SPAM1: variants seen among roughly 807,000 people sequenced by gnomAD.
SPAM1 encodes the protein sperm adhesion molecule 1, also known as hyaluronidase PH-20.
A neutral mutation model predicts 29.6 loss-of-function variants in SPAM1; 22 were observed. The ratio of observed to expected loss-of-function variants is 0.74; its 90% CI spans 0.53 to 1.06. SPAM1 has a LOEUF of 1.06. SPAM1 is among the 50% of genes least tolerant of loss of function. SPAM1 has a pLI of 0.00. For synonymous variants in SPAM1, 194 were observed against 204.6 expected (o/e 0.95, Z 0.44); for missense variants, 534 against 604.0 (o/e 0.88, Z 1.21).
intron 1 of SPAM1, among the ~76,000 whole-genome samples, chr7:123,934,208 G>A (rs546382427): frequency 1.3e-5 from 2 of 152,158 alleles, no homozygotes; most frequent in South Asian, 4.1e-4. Flanking sequence ...ACATATCCTT[G>A]TTATTAAGGG....
rs984286192 is a variant in SPAM1 at position 123,954,340 on chromosome 7, C to G, written c.770C>G (p.Thr257Ser). 2.5e-6 allele frequency: 4 copies of G among 1,613,248 alleles called. No individual in the cohort carries two copies. The highest frequency in any genetic ancestry group is 3.4e-6 in the Non-Finnish European group (4 of 1,179,520). Residue 257 changes from threonine (T) to serine (S), a missense_variant, in exon 3 of 5, where the codon ACT (threonine) becomes AGT (serine). Coordinates refer to ENST00000682466, the MANE Select transcript of SPAM1 (RefSeq NM_153189.3). ...DDLSWLWNESTALYPSIYLNT... is the reference protein window; with the variant it reads ...DDLSWLWNESSALYPSIYLNT... ...CTCAGCTGGTTGTGGAATGAAAGCA[C>G]TGCTCTTTACCCATCCATTTATTTG...
intron 1 of SPAM1, among the ~76,000 whole-genome samples, chr7:123,937,119 C>A (rs892158679): frequency 6.6e-6 from 1 of 152,106 alleles, no homozygotes; most frequent in African/African-American, 2.4e-5. Flanking sequence ...TATAGAGATA[C>A]CCCTAATCTA....
intron 1 of SPAM1, among the ~76,000 whole-genome samples, chr7:123,936,560 G>C (rs1808249619): frequency 6.6e-6 from 1 of 152,186 alleles, no homozygotes; most frequent in Non-Finnish European, 1.5e-5. Context: ...TGATTCTGCA[G>C]CAACAGGGAA....
intron 1 of SPAM1, among the ~76,000 whole-genome samples, chr7:123,931,778 T>C (rs1469866574): frequency 3.3e-5 from 5 of 152,168 alleles, no homozygotes; most frequent in African/African-American, 1.2e-4. Flanking sequence ...CCTGACAACC[T>C]GTACCCCTCA....
At chr7:123,950,377 T>G (rs1449112662) in intron 2 of SPAM1, among the ~76,000 whole-genome samples, 4 of 152,054 alleles carry the variant, frequency 2.6e-5, no homozygotes, top group Non-Finnish European at 1.5e-5. Context: ...TTGTGACCAA[T>G]GTACCCAATA....
intron 1 of SPAM1, among the ~76,000 whole-genome samples, chr7:123,933,688 A>G (rs1808160274): frequency 1.3e-5 from 2 of 152,218 alleles, no homozygotes; most frequent in Admixed American, 1.3e-4. Context: ...ACAAGGGATT[A>G]ACATCTGGAA....
At chr7:123,963,278 A>T (rs1792383875), downstream of SPAM1, among the ~76,000 whole-genome samples, 1 of 151,862 alleles carries the variant, frequency 6.6e-6, no homozygotes, top group South Asian at 2.1e-4. Flanking sequence ...TGAAAATGAC[A>T]TCTTGTTTTA....
At position 123,959,720 on chromosome 7, in the gene SPAM1, G is replaced by A. The variant is rs113698779; in HGVS notation, c.1281G>A (p.Glu427=). 12 of 1,613,314 alleles carry A rather than the reference G, an allele frequency of 7.4e-6. No homozygotes were observed. The African/African-American group carries it at 9.3e-5, about 13-fold the overall frequency. ...GAAAACCGACACTTGAAGACCTGGA[G>A]CAATTTTCTGAAAAATTTTATTGCA... is the stretch of plus-strand genomic sequence containing the variant. The part of the protein sequence containing the change: ...VRGKPTLEDL[E]QFSEKFYCSC... The change falls in exon 5 of 5, where the codon GAG becomes GAA. Residue 427 remains glutamate (E), a synonymous_variant. Coordinates refer to ENST00000682466, the MANE Select transcript of SPAM1 (RefSeq NM_153189.3).
chr7:123,937,305 TA>T (rs1315016779), intron 1 of SPAM1, among the ~76,000 whole-genome samples: 2 of 152,016 alleles, frequency 1.3e-5, no homozygotes, highest in Non-Finnish European at 2.9e-5. Flanking sequence ...CATAGCTTCT[TA>T]AAAAAACACT....
chr7:123,965,213 GC>G (rs113426359), intron 5 of SPAM1, among the ~76,000 whole-genome samples: 108 of 152,018 alleles, frequency 7.1e-4, no homozygotes, highest in African/African-American at 2.4e-3. Context: ...TACTGCTCCT[GC>G]AAGGATGTGA....
At chr7:123,943,815 C>G (rs894530283) in intron 1 of SPAM1, among the ~76,000 whole-genome samples, 2 of 151,924 alleles carry the variant, frequency 1.3e-5, no homozygotes, top group Non-Finnish European at 2.9e-5. Flanking sequence ...ATTAAAAAAA[C>G]GAAAGCAGAA....
In SPAM1 at chr7:123,955,074, A is replaced by G. The variant is rs746883238; in HGVS notation, c.1032A>G (p.Ile344Met). The G allele has an allele frequency of 2.5e-5, 40 of 1,607,186 alleles. No homozygotes were observed. The East Asian group carries it at 8.7e-4, about 35-fold the overall frequency. ...SGIVIWGTLS[I>M]MRSMKSCLLL... is the part of the protein sequence containing the mutation. ...TTGTAATATGGGGAACCCTCAGTATAATGCGAAGTATGGTAAGTTGAATTG... is the reference window on the plus strand; with the variant it reads ...TTGTAATATGGGGAACCCTCAGTATGATGCGAAGTATGGTAAGTTGAATTG... The change falls in exon 4 of 5, where the codon ATA (isoleucine) becomes ATG (methionine). Residue 344 changes from isoleucine (I) to methionine (M), a missense_variant. Transcript: ENST00000682466.
At chr7:123,952,192 T>A (rs1233961986) in intron 2 of SPAM1, among the ~76,000 whole-genome samples, 1 of 152,120 alleles carries the variant, frequency 6.6e-6, no homozygotes, top group Admixed American at 6.6e-5. Flanking sequence ...TTTAGCTACT[T>A]TATATGTTCT....
chr7:123,956,856 G>A (rs1442699263), intron 4 of SPAM1, among the ~76,000 whole-genome samples: 1 of 151,964 alleles, frequency 6.6e-6, no homozygotes, highest in Non-Finnish European at 1.5e-5. Flanking sequence ...TGTTTGGGAG[G>A]TAGCTTGAAA....
chr7:123,926,295 A>G (rs1807883342), intron 1 of SPAM1, among the ~76,000 whole-genome samples: 1 of 152,110 alleles, frequency 6.6e-6, no homozygotes, highest in African/African-American at 2.4e-5. Context: ...TTTCCCCTTT[A>G]AATACCGAGG....
downstream of SPAM1, among the ~76,000 whole-genome samples, chr7:123,963,264 T>A (rs564277400): frequency 2.6e-5 from 4 of 151,986 alleles, no homozygotes; most frequent in Middle Eastern, 0.01. Context: ...GTTCACCTGA[T>A]AGGTGAAAAT....
intron 1 of SPAM1, among the ~76,000 whole-genome samples, chr7:123,943,574 C>T (rs1808491990): frequency 6.6e-6 from 1 of 152,082 alleles, no homozygotes; most frequent in African/African-American, 2.4e-5. Context: ...GAAGGTTAAA[C>T]ATTTTTTCAT....
intron 1 of SPAM1, among the ~76,000 whole-genome samples, chr7:123,936,257 A>C (rs1371512680): frequency 6.6e-6 from 1 of 152,190 alleles, no homozygotes; most frequent in Non-Finnish European, 1.5e-5. Context: ...CCATCTCTTC[A>C]AGGATTCCTG....
chr7:123,946,543 T>G (rs1254055489), intron 1 of SPAM1, among the ~76,000 whole-genome samples: 1 of 152,146 alleles, frequency 6.6e-6, no homozygotes, highest in African/African-American at 2.4e-5. Context: ...CTTCATGAGG[T>G]CCTGACAAAT....
Sources: gnomAD v4.1 joint callset for allele counts (sites outside exome capture counted in the v4.1 genomes callset) on GRCh38, gnomAD v4.1.1 for gene constraint, MANE v1.5 for transcripts, NCBI Gene and HGNC (gene_info 2026-07-23, HGNC 2026-07-21) for gene names.